The following ATP8A2 variants were observed in gnomAD, a reference collection of about 807,000 sequenced individuals.
ATP8A2 encodes phospholipid-transporting ATPase IB.
Under a neutral mutation model 165.6 loss-of-function variants are expected in ATP8A2, and 100 were observed. The observed-to-expected ratio is 0.60, with a 90% confidence interval of 0.51 to 0.71. The LOEUF is 0.71. ATP8A2 is among the 30% of genes least tolerant of loss of function. The pLI is 0.00. For synonymous variants in ATP8A2, 543 were observed against 548.8 expected (o/e 0.99, Z 0.15); for missense variants, 1,227 against 1,479.5 (o/e 0.83, Z 2.80).
intron 26 of ATP8A2, 112 bp downstream of exon 26, chr13:25,769,341 G>A (rs1446163932): frequency 9.2e-7 from 1 of 1,081,938 alleles, no homozygotes; most frequent in African/African-American, 1.6e-5. Flanking sequence ...CCCCTCTTGA[G>A]GTTGCTGTCT....
chr13:25,710,806 A>G (rs909194699), intron 25 of ATP8A2, among the ~76,000 whole-genome samples: 1 of 152,192 alleles, frequency 6.6e-6, no homozygotes, highest in African/African-American at 2.4e-5. Context: ...GTAAACTCCA[A>G]GGGATGAGTG....
At chr13:25,788,543 T>A (rs1169820024) in intron 27 of ATP8A2, among the ~76,000 whole-genome samples, 1 of 152,198 alleles carries the variant, frequency 6.6e-6, no homozygotes, top group Non-Finnish European at 1.5e-5. Flanking sequence ...GTGGCCTGGC[T>A]GCAACCCTCC....
Position 26,020,188 on chromosome 13 carries a change from C to T in ATP8A2, c.*203C>T, listed in dbSNP as rs1954074687. Reference sequence around the variant, plus strand: ...CACAGGGGAAGCTATCTTTGCCCTCCCAACTCGTCTGCAGTGCTTAGCCTA... The same window carrying T: ...CACAGGGGAAGCTATCTTTGCCCTCTCAACTCGTCTGCAGTGCTTAGCCTA... On this transcript the variant is annotated 3_prime_UTR_variant, in exon 37 of 37. Transcript: ENST00000381655. The T allele has an allele frequency of 1.9e-5, 11 of 586,832 alleles. No individual in the cohort carries two copies. The highest frequency in any genetic ancestry group is 1.5e-4 in the South Asian group (7 of 47,732). The allele number at this position is 586,832 out of a possible 1,614,324, so 36.4% of individuals were successfully genotyped here. A position where few individuals can be genotyped will look rare whatever the true frequency, so the allele number is the denominator to read the frequency against.
At chr13:25,528,895 A>G (rs1012843403) in intron 2 of ATP8A2, among the ~76,000 whole-genome samples, 3 of 151,636 alleles carry the variant, frequency 2.0e-5, no homozygotes, top group South Asian at 2.1e-4. Context: ...GTATGCATAC[A>G]TATGCATACA....
rs141439077 is a variant in ATP8A2 at position 25,401,161 on chromosome 13, C to T, written c.76+28873C>T. 2.1e-3 allele frequency among the ~76,000 whole-genome samples: 317 copies of T among 152,118 alleles called. 2 individuals are homozygous for T. Among genetic ancestry groups the T allele is most frequent in the Middle Eastern group, 6.8e-3 (2 of 294 alleles). On this transcript the variant is annotated intron_variant, in intron 1 of 36. Transcript: ENST00000381655. ...GACACGGTCCTTAACTCCTCCGAGA[C>T]GCAGCACTCTCAGTAAAATTTGAAT... is the stretch of plus-strand genomic sequence containing the variant.
chr13:25,721,121 C>T (rs1001591045), intron 25 of ATP8A2, among the ~76,000 whole-genome samples: 1 of 150,964 alleles, frequency 6.6e-6, no homozygotes, highest in Non-Finnish European at 1.5e-5. Flanking sequence ...ACAAATGGCT[C>T]ATTATTATTA....
At chr13:25,793,518 T>C (rs2045236468) in intron 27 of ATP8A2, among the ~76,000 whole-genome samples, 1 of 152,210 alleles carries the variant, frequency 6.6e-6, no homozygotes, top group Admixed American at 6.5e-5. Context: ...ATCTTTATAT[T>C]GTGCAAATGT....
chr13:25,614,782 T>G (rs2040778799), intron 24 of ATP8A2, among the ~76,000 whole-genome samples: 1 of 152,194 alleles, frequency 6.6e-6, no homozygotes, highest in Non-Finnish European at 1.5e-5. Context: ...CTTCTGGATC[T>G]AGCCACCCAG....
At chr13:25,796,464 A>G (rs625706) in intron 27 of ATP8A2, among the ~76,000 whole-genome samples, 150,423 of 152,284 alleles carry the variant, frequency 0.99, 74,314 homozygotes, top group East Asian at 1. Context: ...CTGGAGTTCC[A>G]AAAGGAGAGT....
At chr13:25,380,568 A>G (rs564325610) in intron 1 of ATP8A2, among the ~76,000 whole-genome samples, 1 of 152,290 alleles carries the variant, frequency 6.6e-6, no homozygotes, top group East Asian at 1.9e-4. Context: ...TGTGAGATTA[A>G]ATAAAATATA....
chr13:25,454,478 C>T (rs956113636), intron 1 of ATP8A2, among the ~76,000 whole-genome samples: 2 of 152,026 alleles, frequency 1.3e-5, no homozygotes, highest in African/African-American at 4.8e-5. Context: ...GCCCAGAAAG[C>T]CTTCATGTGG....
chr13:25,960,047 T>C (rs1955622882), intron 33 of ATP8A2, among the ~76,000 whole-genome samples: 1 of 152,206 alleles, frequency 6.6e-6, no homozygotes, highest in South Asian at 2.1e-4. Context: ...TTGGTTTAAT[T>C]GTCATAAAAT....
At chr13:25,591,916 A>AATCATATGG (rs1317764881) in intron 24 of ATP8A2, among the ~76,000 whole-genome samples, 2 of 152,154 alleles carry the variant, frequency 1.3e-5, no homozygotes, top group Non-Finnish European at 2.9e-5. Flanking sequence ...GGAGTTGCTG[A>AATCATATGG]ATCATATGGT....
At chr13:25,393,133 C>CTT (rs113512127) in intron 1 of ATP8A2, among the ~76,000 whole-genome samples, 5 of 138,624 alleles carry the variant, frequency 3.6e-5, no homozygotes, top group African/African-American at 1.1e-4. Flanking sequence ...TATTTACATA[C>CTT]TTTTTTTTTT....
chr13:25,778,170 C>T (rs953523000), intron 27 of ATP8A2, among the ~76,000 whole-genome samples: 2 of 152,172 alleles, frequency 1.3e-5, no homozygotes, highest in Non-Finnish European at 2.9e-5. Flanking sequence ...CAGTTTCAAC[C>T]CCCAAAAGCC....
At chr13:25,688,066 A>G (rs2042640628) in intron 24 of ATP8A2, among the ~76,000 whole-genome samples, 1 of 151,824 alleles carries the variant, frequency 6.6e-6, no homozygotes, top group South Asian at 2.1e-4. Context: ...TGGGATACTC[A>G]CTGCCCCAAC....
intron 24 of ATP8A2, among the ~76,000 whole-genome samples, chr13:25,667,371 C>T (rs896836995): frequency 2.0e-5 from 3 of 152,082 alleles, no homozygotes; most frequent in Non-Finnish European, 4.4e-5. Context: ...TCATGAATGT[C>T]TTGGTACTGT....
At chr13:25,494,497 G>A (rs1332931399) in intron 2 of ATP8A2, among the ~76,000 whole-genome samples, 1 of 152,154 alleles carries the variant, frequency 6.6e-6, no homozygotes, top group Non-Finnish European at 1.5e-5. Flanking sequence ...CAGGGATGAA[G>A]GTAGGAAGGA....
In ATP8A2 at chr13:25,469,058, C is replaced by A. The variant is rs202073376; in HGVS notation, c.158C>A (p.Ala53Glu). ...ACGTCTGTTGGAGACCAGCTGGAGG[C>A]ACCCGCCCGCACCATTTACCTCAAC... ...RATSVGDQLEAPARTIYLNQP... is the reference protein window; with the variant it reads ...RATSVGDQLEEPARTIYLNQP... Residue 53 changes from alanine (A) to glutamate (E), a missense_variant, in exon 2 of 37, where the codon GCA (alanine) becomes GAA (glutamate). Ala to Glu is a moderately radical substitution (Grantham distance 107). Transcript: ENST00000381655. 1 of 1,614,098 alleles carries A rather than the reference C, an allele frequency of 6.2e-7. No homozygotes were observed. Among genetic ancestry groups the A allele is most frequent in the South Asian group, 1.1e-5 (1 of 91,088 alleles).
Sources: gnomAD v4.1 joint callset for allele counts (sites outside exome capture counted in the v4.1 genomes callset) on GRCh38, gnomAD v4.1.1 for gene constraint, MANE v1.5 for transcripts, NCBI Gene and HGNC (gene_info 2026-07-23, HGNC 2026-07-21) for gene names.